ANK3: variants seen among roughly 807,000 people sequenced by gnomAD.
ANK3 encodes ankyrin-3.
A neutral mutation model predicts 370.9 loss-of-function variants in ANK3; 57 were observed. That is an observed-to-expected ratio of 0.15 (90% CI 0.12 to 0.19). The LOEUF (loss-of-function observed/expected upper bound fraction) is 0.19, where lower values mean the gene tolerates loss of function less well. Among genes scored for constraint, ANK3 ranks in the 10% least tolerant of loss-of-function variants. The pLI is 1.00. For synonymous variants in ANK3, 1,929 were observed against 1,946.3 expected, an observed-to-expected ratio of 0.99 and a Z score of 0.23; for missense variants, 4,439 against 5,302.1, an observed-to-expected ratio of 0.84 and a Z score of 5.06.
chr10:60,560,462 A>C (rs1277542309), intron 2 of ANK3, among the ~76,000 whole-genome samples: 1 of 152,234 alleles, frequency 6.6e-6, no homozygotes, highest in Non-Finnish European at 1.5e-5. Flanking sequence ...AAAAGCTGGA[A>C]TCTAGAGCAT....
rs184766412 is a variant in ANK3 at position 60,724,026 on chromosome 10, C to T, written c.57+9237G>A. ...GAAATCGAGACCATCCTGGCTAACA[C>T]GGTGAAACCCCGTCTCTACTAAAAA... is the stretch of plus-strand genomic sequence containing the variant. On this transcript the variant is annotated intron_variant, in intron 1 of 43. Transcript: ENST00000373827. 3.4e-3 allele frequency among the ~76,000 whole-genome samples: 487 copies of T among 141,380 alleles called. 11 individuals are homozygous for T. The highest frequency in any genetic ancestry group is 0.027 in the Admixed American group (364 of 13,400). The allele number at this position is 141,380 out of a possible 152,430, so 92.8% of individuals were successfully genotyped here.
At chr10:60,648,693 C>A (rs1315834033) in intron 1 of ANK3, among the ~76,000 whole-genome samples, 2 of 149,104 alleles carry the variant, frequency 1.3e-5, no homozygotes, top group Non-Finnish European at 3.0e-5. Flanking sequence ...TCACTTGAAC[C>A]CAGGAGGCGG....
chr10:60,520,271 G>A (rs1331988928), intron 2 of ANK3, among the ~76,000 whole-genome samples: 1 of 152,054 alleles, frequency 6.6e-6, no homozygotes, highest in Non-Finnish European at 1.5e-5. Context: ...AATAGACACT[G>A]GGGACGAAGG....
At chr10:60,545,632 A>G (rs960315094) in intron 2 of ANK3, among the ~76,000 whole-genome samples, 31 of 152,160 alleles carry the variant, frequency 2.0e-4, no homozygotes, top group African/African-American at 7.2e-4. Flanking sequence ...GAAATACTAG[A>G]TCTAGTCTAA....
chr10:60,550,188 C>T (rs1595258603), intron 2 of ANK3, among the ~76,000 whole-genome samples: 1 of 151,554 alleles, frequency 6.6e-6, no homozygotes, highest in Non-Finnish European at 1.5e-5. Context: ...ACATTCATAT[C>T]TTTATATAAG....
intron 1 of ANK3, among the ~76,000 whole-genome samples, chr10:60,360,500 G>A (rs558037222): frequency 2.6e-5 from 4 of 152,274 alleles, no homozygotes; most frequent in Non-Finnish European, 5.9e-5. Context: ...CCTGAGCCCG[G>A]GAGTTTGAGA....
intron 16 of ANK3, among the ~76,000 whole-genome samples, chr10:60,193,993 C>T (rs562470914): frequency 2.6e-5 from 4 of 151,552 alleles, no homozygotes; most frequent in Admixed American, 6.6e-5. Context: ...TGGTGGCACA[C>T]ACCTGTAATC....
At chr10:60,481,207 C>T (rs2075206288) in intron 2 of ANK3, among the ~76,000 whole-genome samples, 1 of 152,162 alleles carries the variant, frequency 6.6e-6, no homozygotes, top group Non-Finnish European at 1.5e-5. Flanking sequence ...GCAAGGAGTA[C>T]TTTACTGCTA....
chr10:60,497,885 C>T (rs948101080), intron 2 of ANK3, among the ~76,000 whole-genome samples: 7 of 152,158 alleles, frequency 4.6e-5, no homozygotes, highest in African/African-American at 1.7e-4. Flanking sequence ...AAATCACCCA[C>T]AAAATTTCAT....
At chr10:60,562,409 G>T (rs1006643512) in intron 2 of ANK3, among the ~76,000 whole-genome samples, 3 of 150,274 alleles carry the variant, frequency 2.0e-5, no homozygotes, top group Non-Finnish European at 4.4e-5. Context: ...CATTTGTTTC[G>T]GGGGGGGCAT....
intron 2 of ANK3, among the ~76,000 whole-genome samples, chr10:60,395,833 C>T (rs1187814600): frequency 5.9e-5 from 9 of 152,032 alleles, no homozygotes; most frequent in African/African-American, 2.2e-4. Context: ...GCGAGAAAGA[C>T]AAGGACACCA....
chr10:60,043,066 C>A lies in ANK3; in HGVS notation c.13066-307G>T, dbSNP rs1256241347. On this transcript the variant is annotated intron_variant, in intron 42 of 43. Coordinates refer to ENST00000280772, the MANE Select transcript of ANK3 (RefSeq NM_020987.5). ...ATAGTAAGCTAAAAGAAATCAGCAC[C>A]ACAGCTCACAAGGCAGCAGAATTGT... 13 of 1,125,628 alleles carry A rather than the reference C, an allele frequency of 1.2e-5. No homozygotes were observed. The East Asian group carries it at 7.5e-4, about 65-fold the overall frequency. 69.7% of individuals were successfully genotyped at this position (1,125,628 alleles called of 1,614,324 possible).
intron 17 of ANK3, among the ~76,000 whole-genome samples, chr10:60,185,530 G>A (rs891569123): frequency 6.6e-6 from 1 of 152,154 alleles, no homozygotes; most frequent in African/African-American, 2.4e-5. Flanking sequence ...TCAAAACACA[G>A]GCACACGTGT....
chr10:60,623,413 G>A (rs1284997724), intron 1 of ANK3, among the ~76,000 whole-genome samples: 2 of 152,170 alleles, frequency 1.3e-5, no homozygotes, highest in Non-Finnish European at 2.9e-5. Context: ...ATGGGTTGGA[G>A]TTTGAATGGG....
In ANK3 at chr10:60,072,266, T is replaced by G; in HGVS notation, c.8615A>C (p.His2872Pro). Reference protein sequence around the residue: ...NNKSQKEKLSHVLVHDVRENH... With the variant: ...NNKSQKEKLSPVLVHDVRENH... ...CTCTCTTACATCATGAACAAGTACA[T>G]GCGAAAGTTTTTCTTTCTGAGACTT... Residue 2872 changes from histidine (H) to proline (P), a missense_variant, in exon 37 of 44, where the codon CAT (histidine) becomes CCT (proline). Coordinates refer to ENST00000280772, the MANE Select transcript of ANK3 (RefSeq NM_020987.5). 6.2e-7 allele frequency: 1 copy of G among 1,614,112 alleles called. No individual in the cohort carries two copies. The highest frequency in any genetic ancestry group is 8.5e-7 in the Non-Finnish European group (1 of 1,180,010).
At chr10:60,484,553 T>TA (rs1457437205) in intron 2 of ANK3, among the ~76,000 whole-genome samples, 3 of 150,366 alleles carry the variant, frequency 2.0e-5, no homozygotes, top group Non-Finnish European at 3.0e-5. Context: ...TATTCTCTGT[T>TA]AAAAAAAATC....
intron 8 of ANK3, among the ~76,000 whole-genome samples, chr10:60,234,274 C>T (rs933092835): frequency 1.3e-5 from 2 of 152,148 alleles, no homozygotes; most frequent in Non-Finnish European, 2.9e-5. Context: ...TATGTTAGCT[C>T]TATTTTTAAT....
At position 60,071,037 on chromosome 10, in the gene ANK3, T is replaced by C. The variant is rs1259178452; in HGVS notation, c.9844A>G (p.Ile3282Val). ...HYLPEKEVDM[I>V]EVNLQDEHDK... Reference sequence around the variant, plus strand: ...TGCTCATCTTGCAGATTGACTTCAATCATGTCAACCTCTTTTTCTGGGAGA... The same window carrying C: ...TGCTCATCTTGCAGATTGACTTCAACCATGTCAACCTCTTTTTCTGGGAGA... The change falls in exon 37 of 44, where the codon ATT (isoleucine) becomes GTT (valine). Residue 3282 changes from isoleucine (I) to valine (V), a missense_variant. Transcript: ENST00000280772. 38 of 1,614,076 alleles carry C rather than the reference T, an allele frequency of 2.4e-5. No homozygotes were observed. The highest frequency in any genetic ancestry group is 3.0e-5 in the Non-Finnish European group (35 of 1,180,022).
At chr10:60,471,077 G>A (rs1169860579) in intron 2 of ANK3, among the ~76,000 whole-genome samples, 1 of 152,034 alleles carries the variant, frequency 6.6e-6, no homozygotes, top group Non-Finnish European at 1.5e-5. Context: ...TTTGACATGT[G>A]TTGTCTCATT....
Sources: gnomAD v4.1 joint callset for allele counts (sites outside exome capture counted in the v4.1 genomes callset) on GRCh38, gnomAD v4.1.1 for gene constraint, MANE v1.5 for transcripts, NCBI Gene and HGNC (gene_info 2026-07-23, HGNC 2026-07-21) for gene names.